ADARB2: variants seen among roughly 807,000 people sequenced by gnomAD.
ADARB2 encodes adenosine deaminase RNA specific B2 (inactive), also known as inactive double-stranded RNA-specific editase B2.
In ADARB2, 25 loss-of-function variants were observed where a neutral mutation model predicts 62.2. The observed-to-expected ratio is 0.40, with a 90% CI of 0.29 to 0.56. The LOEUF (loss-of-function observed/expected upper bound fraction) is 0.56. ADARB2 is among the 20% of genes least tolerant of loss of function. ADARB2 has a pLI of 0.43. For missense variants in ADARB2, 1,071 were observed against 1,077.4 expected (o/e 0.99, Z 0.08); for synonymous variants, 572 against 500.8 (o/e 1.14, Z -1.90).
chr10:1,595,559 G>A (rs1271859916), intron 1 of ADARB2, among the ~76,000 whole-genome samples: 1 of 152,204 alleles, frequency 6.6e-6, no homozygotes, highest in South Asian at 2.1e-4. Context: ...GAGGGCCGAG[G>A]CTCAGCTGTC....
intron 1 of ADARB2, among the ~76,000 whole-genome samples, chr10:1,560,585 G>A (rs1832772862): frequency 4.3e-5 from 1 of 23,108 alleles, no homozygotes; most frequent in African/African-American, 7.8e-5. Context: ...CACACGGGGG[G>A]TGGGTTGGAT....
chr10:1,579,537 G>A (rs1375156423), intron 1 of ADARB2, among the ~76,000 whole-genome samples: 1 of 152,180 alleles, frequency 6.6e-6, no homozygotes, highest in Non-Finnish European at 1.5e-5. Context: ...TTTCTGATTT[G>A]ACAGTCAAGG....
In ADARB2 at chr10:1,655,305, C is replaced by T. The variant is rs562015738; in HGVS notation, c.100+81746G>A. Among the ~76,000 whole-genome samples, 3 of 152,334 alleles carry T rather than the reference C, an allele frequency of 2.0e-5. No homozygotes were observed. The South Asian group carries it at 6.2e-4, about 32-fold the overall frequency. On this transcript the variant is annotated intron_variant, in intron 1 of 9. Transcript: ENST00000381312. ...CTGTGGAAAGCGGGTGCCCACTCAA[C>T]ACCCCAGGGTCTAAGGGGACGTGGC...
At chr10:1,386,710 A>C (rs1436881372) in intron 1 of ADARB2, among the ~76,000 whole-genome samples, 1 of 151,944 alleles carries the variant, frequency 6.6e-6, no homozygotes, top group East Asian at 1.9e-4. Context: ...TGCTAGTTTG[A>C]GATTTTAACA....
rs1831602970 is a variant in ADARB2 at position 1,304,121 on chromosome 10, A to G, written c.1078-33052T>C. 4.0e-5 allele frequency among the ~76,000 whole-genome samples: 6 copies of G among 151,712 alleles called. No homozygotes were observed. The South Asian group carries it at 1.2e-3, about 31-fold the overall frequency. ...CAAGACCCATCAGTGTGCTGTATTCAGGAAACCCATCTCATGTGCAGAGAC... is the reference window on the plus strand; with the variant it reads ...CAAGACCCATCAGTGTGCTGTATTCGGGAAACCCATCTCATGTGCAGAGAC... On this transcript the variant is annotated intron_variant, in intron 3 of 9. Transcript: ENST00000381312.
chr10:1,451,004 AT>A, intron 1 of ADARB2, among the ~76,000 whole-genome samples: 1 of 152,328 alleles, frequency 6.6e-6, no homozygotes, highest in East Asian at 1.9e-4. Flanking sequence ...GAGGGAGCTG[AT>A]GGTGTCTGCT....
chr10:1,414,249 G>C (rs1189280923), intron 1 of ADARB2, among the ~76,000 whole-genome samples: 1 of 152,220 alleles, frequency 6.6e-6, no homozygotes, highest in Non-Finnish European at 1.5e-5. Flanking sequence ...AGTGTCGGGA[G>C]AAGCTGAGGC....
At chr10:1,440,816 G>C (rs889008847) in intron 1 of ADARB2, among the ~76,000 whole-genome samples, 1 of 152,186 alleles carries the variant, frequency 6.6e-6, no homozygotes, top group Non-Finnish European at 1.5e-5. Context: ...ATGAAATGGG[G>C]TCCTCAAGAG....
intron 1 of ADARB2, among the ~76,000 whole-genome samples, chr10:1,610,194 G>A (rs986369025): frequency 7.9e-5 from 12 of 152,044 alleles, no homozygotes; most frequent in South Asian, 2.1e-4. Context: ...CAGAATCACC[G>A]TGGGCTCCCT....
intron 3 of ADARB2, among the ~76,000 whole-genome samples, chr10:1,297,095 C>T (rs1288457369): frequency 6.6e-6 from 1 of 152,202 alleles, no homozygotes; most frequent in Non-Finnish European, 1.5e-5. Context: ...TAGGTCTACC[C>T]AGAACCTCAG....
chr10:1,259,585 C>A (rs1348311470), intron 4 of ADARB2, among the ~76,000 whole-genome samples: 1 of 152,182 alleles, frequency 6.6e-6, no homozygotes, highest in Non-Finnish European at 1.5e-5. Flanking sequence ...TACACTCTCC[C>A]AAGACTAAAC....
At chr10:1,495,619 T>TAA in intron 1 of ADARB2, among the ~76,000 whole-genome samples, 1 of 68,758 alleles carries the variant, frequency 1.5e-5, no homozygotes, top group Non-Finnish European at 3.9e-5. Context: ...CTTAGAAATA[T>TAA]TCCATTCCAT....
chr10:1,721,080 A>G (rs544096488), intron 1 of ADARB2, among the ~76,000 whole-genome samples: 1 of 152,356 alleles, frequency 6.6e-6, no homozygotes, highest in South Asian at 2.1e-4. Flanking sequence ...ACTCGCTTGA[A>G]GGAAATGCAG....
chr10:1,404,460 G>A (rs1832689536), intron 1 of ADARB2, among the ~76,000 whole-genome samples: 1 of 152,230 alleles, frequency 6.6e-6, no homozygotes, highest in African/African-American at 2.4e-5. Flanking sequence ...GGGAGACGCT[G>A]CGTGGTGATG....
chr10:1,281,763 C>CT (rs1491461787), intron 3 of ADARB2, among the ~76,000 whole-genome samples: 2 of 149,786 alleles, frequency 1.3e-5, no homozygotes, highest in African/African-American at 4.8e-5. Context: ...TCCATGAGAA[C>CT]TTTTTTTTCC....
intron 7 of ADARB2, among the ~76,000 whole-genome samples, chr10:1,204,615 C>T (rs1034799002): frequency 1.3e-5 from 2 of 152,216 alleles, no homozygotes; most frequent in African/African-American, 4.8e-5. Context: ...CTCACTGGCT[C>T]CTGCCGGCCT....
At chr10:1,733,562 A>C (rs1353977788) in intron 1 of ADARB2, among the ~76,000 whole-genome samples, 1 of 152,182 alleles carries the variant, frequency 6.6e-6, no homozygotes, top group East Asian at 1.9e-4. Context: ...CATATTTTAA[A>C]GTGATTTATT....
At chr10:1,281,626 G>A (rs1831372209) in intron 3 of ADARB2, among the ~76,000 whole-genome samples, 1 of 152,220 alleles carries the variant, frequency 6.6e-6, no homozygotes, top group Non-Finnish European at 1.5e-5. Context: ...ACCGAGGGGT[G>A]CACAGAGACT....
intron 7 of ADARB2, 25 bp from the exon 8 acceptor site, chr10:1,200,172 G>C (rs114548787): frequency 2.6e-6 from 4 of 1,550,304 alleles, no homozygotes; most frequent in Non-Finnish European, 1.7e-6. Context: ...AGCAGTCAGC[G>C]GAGCCCCACC....
Sources: gnomAD v4.1 joint callset for allele counts (sites outside exome capture counted in the v4.1 genomes callset) on GRCh38, gnomAD v4.1.1 for gene constraint, MANE v1.5 for transcripts, NCBI Gene and HGNC (gene_info 2026-07-23, HGNC 2026-07-21) for gene names.